ABL2: variants seen among roughly 807,000 people sequenced by gnomAD.
ABL2 encodes tyrosine-protein kinase ABL2.
Under a neutral mutation model 107.7 loss-of-function variants are expected in ABL2, and 49 were observed. The observed-to-expected ratio is 0.45, with a 90% CI of 0.36 to 0.58. The LOEUF is 0.58. ABL2 is among the 20% of genes least tolerant of loss of function. ABL2 has a pLI of 0.00. For missense variants in ABL2, 1,245 were observed against 1,457.0 expected (o/e 0.85, Z 2.37); for synonymous variants, 549 against 548.6 (o/e 1.00, Z -0.01).
chr1:179,132,339 C>A (rs1303017732), intron 2 of ABL2, among the ~76,000 whole-genome samples: 1 of 152,118 alleles, frequency 6.6e-6, no homozygotes, highest in African/African-American at 2.4e-5. Flanking sequence ...CACAGGTGAT[C>A]CCTATACCAT....
intron 4 of ABL2, among the ~76,000 whole-genome samples, chr1:179,123,772 G>C (rs1035523806): frequency 6.6e-6 from 1 of 152,078 alleles, no homozygotes; most frequent in Non-Finnish European, 1.5e-5. Flanking sequence ...TAGGACCACA[G>C]ACATATGCCA....
At chr1:179,128,448 T>C (rs1293983171) in intron 3 of ABL2, among the ~76,000 whole-genome samples, 2 of 152,174 alleles carry the variant, frequency 1.3e-5, no homozygotes, top group Non-Finnish European at 2.9e-5. Flanking sequence ...GTACTTTGTA[T>C]ATATATCTAT....
intron 1 of ABL2, among the ~76,000 whole-genome samples, chr1:179,169,810 G>A (rs887085217): frequency 7.2e-5 from 11 of 152,068 alleles, no homozygotes; most frequent in Non-Finnish European, 1.2e-4. Flanking sequence ...TTGGGAGGCT[G>A]AGTTGAGGCC....
intron 1 of ABL2, 33 bp downstream of exon 1, chr1:179,229,208 C>CCCCCCCCCCCCA (rs2124888254): frequency 8.7e-6 from 13 of 1,488,018 alleles, no homozygotes; most frequent in East Asian, 5.6e-5. Flanking sequence ...CGGCCTCCCC[C>CCCCCCCCCCCCA]ACGCTCTCAT....
rs182690545 is a variant in ABL2 at position 179,106,160 on chromosome 1, A to G, written c.*1558T>C. On this transcript the variant is annotated 3_prime_UTR_variant, in exon 12 of 12. Coordinates refer to ENST00000502732, the MANE Select transcript of ABL2 (RefSeq NM_007314.4). Reference sequence around the variant, plus strand: ...AGCTCTCCTTGGGGAGGATGGGGGAAGTATTCATAAAGCTTTAAAAAGAGA... The same window carrying G: ...AGCTCTCCTTGGGGAGGATGGGGGAGGTATTCATAAAGCTTTAAAAAGAGA... 9.0e-6 allele frequency: 2 copies of G among 221,392 alleles called. No individual in the cohort carries two copies. The highest frequency in any genetic ancestry group is 5.7e-5 in the Admixed American group (1 of 17,394). 13.7% of individuals were successfully genotyped at this position (221,392 alleles called of 1,614,324 possible). A position where few individuals can be genotyped will look rare whatever the true frequency, so the allele number is the denominator to read the frequency against.
In ABL2 at chr1:179,103,795, C is replaced by T. The variant is rs1653296203; in HGVS notation, c.*3923G>A. 4.3e-5 allele frequency: 10 copies of T among 230,088 alleles called. No individual in the cohort carries two copies. The East Asian group carries it at 6.2e-4, about 14-fold the overall frequency. The allele number at this position is 230,088 out of a possible 1,614,324, so 14.3% of individuals were successfully genotyped here. A position where few individuals can be genotyped will look rare whatever the true frequency, so the allele number is the denominator to read the frequency against. ...AGGTATGGTGGAAAGACCCCACAAC[C>T]ATAAAGTCAAGAGACTTGAATTCTA... On this transcript the variant is annotated 3_prime_UTR_variant, in exon 12 of 12. Transcript: ENST00000502732.
intron 1 of ABL2, among the ~76,000 whole-genome samples, chr1:179,219,040 C>T (rs1662731234): frequency 8.3e-6 from 1 of 120,716 alleles, no homozygotes; most frequent in African/African-American, 3.1e-5. Context: ...AAGATAATCA[C>T]ACTAAACAAG....
chr1:179,221,035 G>C (rs983841508), intron 1 of ABL2: 1 of 227,118 alleles, frequency 4.4e-6, no homozygotes, highest in African/African-American at 2.3e-5. Context: ...TTCACATTTT[G>C]AGAGCATTCA....
At chr1:179,174,221 G>A (rs1256899373) in intron 1 of ABL2, among the ~76,000 whole-genome samples, 2 of 151,874 alleles carry the variant, frequency 1.3e-5, no homozygotes, top group East Asian at 3.9e-4. Flanking sequence ...CCAAGAGGTG[G>A]AGGCTGCAGT....
intron 9 of ABL2, among the ~76,000 whole-genome samples, chr1:179,113,597 C>T (rs748695866): frequency 1.2e-4 from 18 of 152,114 alleles, no homozygotes; most frequent in Non-Finnish European, 2.1e-4. Flanking sequence ...ACCAGGAGTT[C>T]GAGACCAGCC....
At chr1:179,190,004 G>A (rs918945907) in intron 1 of ABL2, among the ~76,000 whole-genome samples, 1 of 152,138 alleles carries the variant, frequency 6.6e-6, no homozygotes, top group African/African-American at 2.4e-5. Context: ...ATTTTTAGTA[G>A]AGACGGGGTT....
chr1:179,136,270 G>C (rs1352229995), intron 1 of ABL2, among the ~76,000 whole-genome samples: 2 of 151,702 alleles, frequency 1.3e-5, no homozygotes, highest in East Asian at 3.9e-4. Flanking sequence ...AATAGAAAGG[G>C]GGGAAAGGTG....
chr1:179,163,662 G>A (rs1659211485), intron 1 of ABL2, among the ~76,000 whole-genome samples: 1 of 152,142 alleles, frequency 6.6e-6, no homozygotes, highest in Non-Finnish European at 1.5e-5. Flanking sequence ...CAGGAGAATC[G>A]CTTGAACCCA....
At chr1:179,226,271 C>T (rs947199173) in intron 1 of ABL2, among the ~76,000 whole-genome samples, 8 of 150,900 alleles carry the variant, frequency 5.3e-5, no homozygotes, top group South Asian at 2.1e-4. Context: ...CCCAGTTAGC[C>T]AGGTTCTAAA....
Position 179,111,284 on chromosome 1 carries a change from T to C in ABL2, c.1652-829A>G, listed in dbSNP as rs1654053092. On this transcript the variant is annotated intron_variant, in intron 10 of 11. Coordinates refer to ENST00000502732, the MANE Select transcript of ABL2 (RefSeq NM_007314.4). Reference sequence around the variant, plus strand: ...GGTGTGAACCACAGTGCTCAGTCTTTTTTTTTTTTTTTTTTTTTTGACAGG... The same window carrying C: ...GGTGTGAACCACAGTGCTCAGTCTTCTTTTTTTTTTTTTTTTTTTGACAGG... Among the ~76,000 whole-genome samples, 6 of 139,040 alleles carry C rather than the reference T, an allele frequency of 4.3e-5. No individual in the cohort carries two copies. The South Asian group carries it at 9.6e-4, about 22-fold the overall frequency. 91.2% of individuals were successfully genotyped at this position (139,040 alleles called of 152,430 possible).
At chr1:179,144,999 A>C (rs1262307203) in intron 1 of ABL2, among the ~76,000 whole-genome samples, 1 of 152,172 alleles carries the variant, frequency 6.6e-6, no homozygotes, top group Non-Finnish European at 1.5e-5. Context: ...CTTATAGCAT[A>C]ATTTGGAATA....
In ABL2 at chr1:179,126,611, C is replaced by T. The variant is rs539758262; in HGVS notation, c.453G>A (p.Lys151=). Residue 151 remains lysine (K), a synonymous_variant, in exon 4 of 12, where the codon AAG becomes AAA. Transcript: ENST00000502732. This position sits in a 1 kb window ranked among gnomAD's most constrained non-coding sequence, Gnocchi z 4.4. The stretch of plus-strand genomic sequence containing the variant: ...TGCTTGGCACCCAGCCCTGCCCATT[C>T]TTAGAGCGAACTTCACTCCACTCAC... ...QNGEWSEVRS[K]NGQGWVPSNY... The T allele has an allele frequency of 1.9e-6, 3 of 1,614,182 alleles. No individual in the cohort carries two copies. In the South Asian group the frequency reaches 3.3e-5, roughly 18 times the overall value.
rs927283324 is a variant in ABL2, at chr1:179,120,287, A to C, written c.961-13T>G. 1 of 1,569,070 alleles carries C rather than the reference A, an allele frequency of 6.4e-7. No homozygotes were observed. The highest frequency in any genetic ancestry group is 8.7e-7 in the Non-Finnish European group (1 of 1,145,588). ...CCATGGTATCTTCCTAGAAAAAGGG[A>C]AAGGTAAGAAAGAAGAAAACGAGAG... On this transcript the variant is annotated splice_polypyrimidine_tract_variant and intron_variant, in intron 5 of 11. Coordinates refer to ENST00000502732, the MANE Select transcript of ABL2 (RefSeq NM_007314.4).
intron 1 of ABL2, among the ~76,000 whole-genome samples, chr1:179,227,398 A>G (rs181874282): frequency 3.9e-5 from 6 of 152,290 alleles, no homozygotes; most frequent in Admixed American, 1.3e-4. Context: ...TCAACAAATT[A>G]TATCTATTCC....
Sources: allele counts gnomAD v4.1 joint callset (sites outside exome capture counted in the v4.1 genomes callset), GRCh38; gene constraint gnomAD v4.1.1; non-coding constraint Gnocchi (gnomAD v3.1); transcripts MANE v1.5; gene names NCBI Gene and HGNC (gene_info 2026-07-23, HGNC 2026-07-21).